Variants in CNTN4 observed in about 807,000 individuals in gnomAD.
CNTN4 encodes the protein contactin 4.
In CNTN4, 77 loss-of-function variants were observed where a neutral mutation model predicts 122.5. The observed-to-expected ratio is 0.63, with a 90% CI of 0.52 to 0.76. The LOEUF (loss-of-function observed/expected upper bound fraction) is 0.76. CNTN4 is among the 30% of genes least tolerant of loss of function. The pLI is 0.00. For synonymous variants in CNTN4, 512 were observed against 447.0 expected (o/e 1.15, Z -1.83); for missense variants, 1,256 against 1,259.1 (o/e 1.00, Z 0.04).
At chr3:2,344,278 ATT>A (rs4057746) in intron 3 of CNTN4, among the ~76,000 whole-genome samples, 7 of 145,920 alleles carry the variant, frequency 4.8e-5, no homozygotes, top group South Asian at 2.2e-4. Context: ...GCCAGGTCAA[ATT>A]TTTTTTTTTT....
At chr3:2,657,668 CATGCATCGG>C (rs1240189179) in intron 4 of CNTN4, among the ~76,000 whole-genome samples, 48 of 152,150 alleles carry the variant, frequency 3.2e-4, no homozygotes, top group African/African-American at 1.1e-3. Flanking sequence ...ATGGGTGAGT[CATGCATCGG>C]ATGTGTATGT....
chr3:2,203,454 A>C (rs534879391), intron 2 of CNTN4, among the ~76,000 whole-genome samples: 1 of 152,194 alleles, frequency 6.6e-6, no homozygotes, highest in South Asian at 2.1e-4. Flanking sequence ...CCTTCCTATC[A>C]TATTTCTGGG....
At chr3:2,595,977 A>C (rs17017041) in intron 4 of CNTN4, among the ~76,000 whole-genome samples, 2 of 152,298 alleles carry the variant, frequency 1.3e-5, no homozygotes, top group South Asian at 2.1e-4. Flanking sequence ...AAACAAGTGA[A>C]GCTATCATGG....
chr3:2,256,143 T>C (rs558814716), intron 2 of CNTN4, among the ~76,000 whole-genome samples: 48 of 152,234 alleles, frequency 3.2e-4, no homozygotes, highest in African/African-American at 1.1e-3. Context: ...CATACTACCA[T>C]CAGAGAATCC....
At chr3:2,347,410 C>T (rs372578568) in intron 3 of CNTN4, among the ~76,000 whole-genome samples, 14 of 113,142 alleles carry the variant, frequency 1.2e-4, no homozygotes, top group East Asian at 2.6e-4. Context: ...GAAATACAAT[C>T]TTTTTTTTTT....
At chr3:2,200,142 T>C (rs1260945353) in intron 2 of CNTN4, among the ~76,000 whole-genome samples, 1 of 152,092 alleles carries the variant, frequency 6.6e-6, no homozygotes, top group Admixed American at 6.6e-5. Flanking sequence ...GGATCCTCCG[T>C]AGGAAGTTAT....
chr3:2,957,925 A>G (rs549464622), intron 13 of CNTN4, among the ~76,000 whole-genome samples: 1 of 152,130 alleles, frequency 6.6e-6, no homozygotes, highest in South Asian at 2.1e-4. Context: ...TTTTGGTAGA[A>G]CCATTTATTT....
intron 2 of CNTN4, among the ~76,000 whole-genome samples, chr3:2,282,457 T>C (rs2041752942): frequency 6.6e-6 from 1 of 152,152 alleles, no homozygotes; most frequent in South Asian, 2.1e-4. Context: ...CTCTCCTTAG[T>C]TTTATTCTCC....
intron 3 of CNTN4, among the ~76,000 whole-genome samples, chr3:2,414,101 G>A (rs1053313775): frequency 2.6e-5 from 4 of 152,146 alleles, no homozygotes; most frequent in Admixed American, 2.6e-4. Flanking sequence ...TAGAGATATG[G>A]CTGCAAAATG....
chr3:2,744,628 A>T (rs1236207044), intron 5 of CNTN4, among the ~76,000 whole-genome samples: 1 of 152,234 alleles, frequency 6.6e-6, no homozygotes, highest in Non-Finnish European at 1.5e-5. Context: ...TGACTGAGTT[A>T]TATTAGTGCA....
intron 3 of CNTN4, among the ~76,000 whole-genome samples, chr3:2,446,947 T>C (rs17194406): frequency 0.24 from 36,285 of 152,058 alleles, 5,581 homozygotes; most frequent in Non-Finnish European, 0.36. Flanking sequence ...TAAACTGGGG[T>C]AGAGTAGATG....
At chr3:2,295,949 T>G (rs998154825) in intron 2 of CNTN4, among the ~76,000 whole-genome samples, 85 of 152,244 alleles carry the variant, frequency 5.6e-4, no homozygotes, top group Non-Finnish European at 6.9e-4. Flanking sequence ...TTTCCGCATT[T>G]CTTGTTTTTA....
At chr3:2,122,282 G>C (rs1440764167) in intron 2 of CNTN4, among the ~76,000 whole-genome samples, 2 of 151,976 alleles carry the variant, frequency 1.3e-5, no homozygotes, top group African/African-American at 4.8e-5. Flanking sequence ...TTTCCCTAGA[G>C]ACAATGTTAC....
At chr3:2,338,941 C>T (rs1016756454) in intron 2 of CNTN4, among the ~76,000 whole-genome samples, 2 of 151,980 alleles carry the variant, frequency 1.3e-5, no homozygotes, top group Non-Finnish European at 2.9e-5. Context: ...GTGGTGATGA[C>T]CTTCTCAAAA....
chr3:2,579,396 G>A (rs897978391), intron 4 of CNTN4, among the ~76,000 whole-genome samples: 3 of 152,200 alleles, frequency 2.0e-5, no homozygotes, highest in African/African-American at 7.2e-5. Context: ...CAGTCTGGCA[G>A]TTGGTATCAT....
intron 13 of CNTN4, among the ~76,000 whole-genome samples, chr3:2,981,755 A>G (rs542368558): frequency 2.0e-5 from 3 of 152,222 alleles, no homozygotes; most frequent in East Asian, 3.9e-4. Flanking sequence ...AAAATCCCAT[A>G]AAACATTGGC....
intron 2 of CNTN4, among the ~76,000 whole-genome samples, chr3:2,165,139 A>C (rs1248433936): frequency 6.6e-6 from 1 of 152,110 alleles, no homozygotes; most frequent in Admixed American, 6.5e-5. Flanking sequence ...CCTGGCCAAC[A>C]TGGTGAAACC....
intron 6 of CNTN4, among the ~76,000 whole-genome samples, chr3:2,756,169 T>C (rs1024141890): frequency 2.6e-5 from 4 of 152,206 alleles, no homozygotes; most frequent in African/African-American, 9.6e-5. Context: ...CAGAATCTAA[T>C]TGACTAACTA....
chr3:2,926,316 GT>G (rs900769255), intron 13 of CNTN4, among the ~76,000 whole-genome samples: 43 of 151,842 alleles, frequency 2.8e-4, no homozygotes, highest in South Asian at 8.3e-4. Context: ...GAGAAAACAG[GT>G]TTTTTTTCTA....
Sources: gnomAD v4.1 joint callset for allele counts (sites outside exome capture counted in the v4.1 genomes callset) on GRCh38, gnomAD v4.1.1 for gene constraint, MANE v1.5 for transcripts, NCBI Gene and HGNC (gene_info 2026-07-23, HGNC 2026-07-21) for gene names.